SPRYD3: variants seen among roughly 807,000 people sequenced by gnomAD.
SPRYD3 encodes the protein SPRY domain-containing protein 3.
SPRYD3 carries 17 observed loss-of-function variants against 50.1 expected under a neutral mutation model. The observed-to-expected ratio is 0.34, with a 90% CI of 0.23 to 0.51. SPRYD3 has a LOEUF of 0.51. Ranked by LOEUF, SPRYD3 falls within the 20% of genes least tolerant of loss-of-function variation. The pLI is 0.97. For synonymous variants in SPRYD3, 198 were observed against 215.5 expected (o/e 0.92, Z 0.71); for missense variants, 401 against 591.2 (o/e 0.68, Z 3.34).
rs1482127921 is a variant in SPRYD3, at chr12:53,077,953, G to A, written c.24-692C>T. On this transcript the variant is annotated intron_variant, in intron 1 of 10. Transcript: ENST00000301463. ...TGCAATCCCAGCACCTTGGGAGGCTGAGGCAGGAGGATCGCTTGAGGCCAG... is the reference window on the plus strand; with the variant it reads ...TGCAATCCCAGCACCTTGGGAGGCTAAGGCAGGAGGATCGCTTGAGGCCAG... The A allele has an allele frequency of 3.6e-5, 10 of 281,376 alleles. No homozygotes were observed. In the East Asian group the frequency reaches 1.0e-3, roughly 29 times the overall value. The allele number at this position is 281,376 out of a possible 1,614,324, so 17.4% of individuals were successfully genotyped here. A position where few individuals can be genotyped will look rare whatever the true frequency, so the allele number is the denominator to read the frequency against.
At chr12:53,075,444 C>G (rs1278816163) in intron 3 of SPRYD3, among the ~76,000 whole-genome samples, 1 of 152,160 alleles carries the variant, frequency 6.6e-6, no homozygotes, top group Non-Finnish European at 1.5e-5. Context: ...ATAGGACTCA[C>G]GTCCCTATAT....
At chr12:53,067,167 A>C (rs1320000724) in intron 8 of SPRYD3, among the ~76,000 whole-genome samples, 1 of 151,802 alleles carries the variant, frequency 6.6e-6, no homozygotes, top group African/African-American at 2.4e-5. Flanking sequence ...CACCAAATAA[A>C]ATAAAGAGAC....
At chr12:53,066,101 G>A in intron 10 of SPRYD3, 135 bp from the exon 11 acceptor site, 3 of 1,365,540 alleles carry the variant, frequency 2.2e-6, no homozygotes, top group Non-Finnish European at 3.0e-6. Context: ...AAGGTGTTAT[G>A]GGAAGTGACC....
rs576902584 is a variant in SPRYD3, at chr12:53,069,874, C to T, written c.694-1570G>A. On this transcript the variant is annotated intron_variant, in intron 6 of 10. Coordinates refer to ENST00000301463, the MANE Select transcript of SPRYD3 (RefSeq NM_032840.3). Reference sequence around the variant, plus strand: ...TTGCAGAACTGGGTGGGGGACCCCACAGCTGCCTTTGACCCATTCTATCCA... The same window carrying T: ...TTGCAGAACTGGGTGGGGGACCCCATAGCTGCCTTTGACCCATTCTATCCA... 3.3e-5 allele frequency among the ~76,000 whole-genome samples: 5 copies of T among 152,302 alleles called. No homozygotes were observed. The South Asian group carries it at 6.2e-4, about 19-fold the overall frequency.
In SPRYD3 at chr12:53,077,111, T is replaced by C; in HGVS notation, c.170+4A>G. On this transcript the variant is annotated splice_donor_region_variant and intron_variant, in intron 2 of 10. Transcript: ENST00000301463. The stretch of plus-strand genomic sequence containing the variant: ...AAAATGTGGAAGCATTCTCCTGAAC[T>C]CACCTTAAAGTATCTCCATCTACAA... The C allele has an allele frequency of 6.2e-7, 1 of 1,613,926 alleles. No individual in the cohort carries two copies. The highest frequency in any genetic ancestry group is 8.5e-7 in the Non-Finnish European group (1 of 1,179,874).
intron 1 of SPRYD3, 140 bp downstream of exon 1, chr12:53,079,171 G>T: frequency 1.1e-6 from 1 of 891,964 alleles, no homozygotes; most frequent in Non-Finnish European, 1.7e-6. Context: ...GGCCGAGGGT[G>T]CAGCAACAGA....
At chr12:53,077,292 A>C in intron 1 of SPRYD3, 31 bp from the exon 2 acceptor site, 1 of 1,613,384 alleles carries the variant, frequency 6.2e-7, no homozygotes, top group Non-Finnish European at 8.5e-7. Context: ...TTGAGGAGAA[A>C]GCAGGGCCCT....
chr12:53,066,230 G>A, intron 10 of SPRYD3, 84 bp downstream of exon 10: 1 of 1,554,194 alleles, frequency 6.4e-7, no homozygotes, highest in Non-Finnish European at 8.7e-7. Flanking sequence ...TTCCCACCCT[G>A]GTTGTGAGTT....
intron 6 of SPRYD3, 26 bp downstream of exon 6, chr12:53,073,260 C>CCGGGGGGGGGGGGGGGGGG: frequency 8.9e-5 from 37 of 416,280 alleles, no homozygotes; most frequent in Middle Eastern, 4.0e-4. Flanking sequence ...GACCCAGCCC[C>CCGGGGGGGGGGGGGGGGGG]TCCCACCCTC....
chr12:53,067,817 C>A, intron 7 of SPRYD3, 112 bp from the exon 8 acceptor site: 2 of 980,306 alleles, frequency 2.0e-6, no homozygotes, highest in East Asian at 2.4e-5. Context: ...AGAGTGCCAA[C>A]CCTGCACACT....
chr12:53,076,042 TTTC>T (rs1229255372), intron 2 of SPRYD3, among the ~76,000 whole-genome samples: 2 of 152,194 alleles, frequency 1.3e-5, no homozygotes, highest in African/African-American at 4.8e-5. Flanking sequence ...GCAAGCCTGG[TTTC>T]TTCATTTCCA....
intron 2 of SPRYD3, 117 bp from the exon 3 acceptor site, chr12:53,075,928 C>T (rs930726021): frequency 1.1e-5 from 9 of 785,346 alleles, no homozygotes; most frequent in Admixed American, 5.9e-5. Flanking sequence ...ATCCATCAGG[C>T]TGCACTTCAG....
At chr12:53,066,282 C>T (rs1207789618) in intron 10 of SPRYD3, 32 bp downstream of exon 10, 3 of 1,605,294 alleles carry the variant, frequency 1.9e-6, no homozygotes, top group Non-Finnish European at 2.6e-6. Context: ...GACCCAAAAA[C>T]CCTGGTCCCA....
At chr12:53,072,459 G>A (rs1038469981) in intron 6 of SPRYD3, among the ~76,000 whole-genome samples, 1 of 152,172 alleles carries the variant, frequency 6.6e-6, no homozygotes, top group Non-Finnish European at 1.5e-5. Context: ...AAAAGGCCAG[G>A]CCAGGAGCAA....
chr12:53,070,349 G>A (rs1216135069), intron 6 of SPRYD3, among the ~76,000 whole-genome samples: 1 of 152,178 alleles, frequency 6.6e-6, no homozygotes, highest in Non-Finnish European at 1.5e-5. Context: ...GAAGTGGGGG[G>A]AATATTTGGC....
intron 1 of SPRYD3, among the ~76,000 whole-genome samples, chr12:53,077,846 T>C (rs1291586852): frequency 6.6e-6 from 1 of 152,210 alleles, no homozygotes; most frequent in Non-Finnish European, 1.5e-5. Flanking sequence ...GTAAGGACTC[T>C]GGATTTTATT....
Position 53,065,701 on chromosome 12 carries a change from C to T in SPRYD3, c.*131G>A, listed in dbSNP as rs1012286098. ...CAGAGAAGCGTGACAGGGGCCTGAGCCAGTGGGGGCAGAGTGACTACACAC... is the reference window on the plus strand; with the variant it reads ...CAGAGAAGCGTGACAGGGGCCTGAGTCAGTGGGGGCAGAGTGACTACACAC... On this transcript the variant is annotated 3_prime_UTR_variant, in exon 11 of 11. Coordinates refer to ENST00000301463, the MANE Select transcript of SPRYD3 (RefSeq NM_032840.3). The T allele has an allele frequency of 3.2e-6, 3 of 933,202 alleles. No homozygotes were observed. In the South Asian group the frequency reaches 5.0e-5, roughly 15 times the overall value. The allele number at this position is 933,202 out of a possible 1,614,324, so 57.8% of individuals were successfully genotyped here.
rs1944577337 is a variant in SPRYD3 at position 53,074,868 on chromosome 12, A to G, written c.372-84T>C. The G allele has an allele frequency of 3.3e-6, 5 of 1,529,854 alleles. No individual in the cohort carries two copies. Among genetic ancestry groups the G allele is most frequent in the Non-Finnish European group, 4.5e-6 (5 of 1,112,516 alleles). The allele number at this position is 1,529,854 out of a possible 1,614,324, so 94.8% of individuals were successfully genotyped here. A position where few individuals can be genotyped will look rare whatever the true frequency, so the allele number is the denominator to read the frequency against. On this transcript the variant is annotated intron_variant, in intron 4 of 10. Coordinates refer to ENST00000301463, the MANE Select transcript of SPRYD3 (RefSeq NM_032840.3). The surrounding 1 kb of genome is among the most constrained non-coding windows in gnomAD (Gnocchi z 4.6). Reference sequence around the variant, plus strand: ...CACTGACAGCAGAGGCCTCATCCTCATCTTGCTGCTCCTGGTCATTCTGTG... The same window carrying G: ...CACTGACAGCAGAGGCCTCATCCTCGTCTTGCTGCTCCTGGTCATTCTGTG...
At chr12:53,076,111 G>A (rs554178312) in intron 2 of SPRYD3, among the ~76,000 whole-genome samples, 59 of 152,310 alleles carry the variant, frequency 3.9e-4, no homozygotes, top group African/African-American at 1.3e-3. Context: ...TCACAACCCT[G>A]TGTAACCTCA....
Sources: allele counts gnomAD v4.1 joint callset (sites outside exome capture counted in the v4.1 genomes callset), GRCh38; gene constraint gnomAD v4.1.1; non-coding constraint Gnocchi (gnomAD v3.1); transcripts MANE v1.5; gene names NCBI Gene and HGNC (gene_info 2026-07-23, HGNC 2026-07-21).